NR1D2: variants seen among roughly 807,000 people sequenced by gnomAD.
NR1D2 encodes nuclear receptor subfamily 1 group D member 2.
A neutral mutation model predicts 52.2 loss-of-function variants in NR1D2; 25 were observed. That is an observed-to-expected ratio of 0.48 (90% CI 0.35 to 0.67). NR1D2 has a LOEUF of 0.67. Among genes scored for constraint, NR1D2 ranks in the 30% least tolerant of loss-of-function variants. The pLI, the probability that NR1D2 is intolerant of heterozygous loss-of-function variation, is 0.01. For synonymous variants in NR1D2, 259 were observed against 230.1 expected (o/e 1.13, Z -1.14); for missense variants, 681 against 707.2 (o/e 0.96, Z 0.42).
chr3:23,975,311 A>G (rs35711415), intron 7 of NR1D2, among the ~76,000 whole-genome samples: 23,604 of 149,806 alleles, frequency 0.16, 2,093 homozygotes, highest in Non-Finnish European at 0.2. Flanking sequence ...TTTTGTAAAG[A>G]CAAAGACTCA....
intron 7 of NR1D2, among the ~76,000 whole-genome samples, chr3:23,969,280 T>C (rs1264375637): frequency 6.6e-6 from 1 of 151,980 alleles, no homozygotes; most frequent in African/African-American, 2.4e-5. Context: ...AGAGCGAGAC[T>C]CCGTGTTAAA....
Position 23,977,927 on chromosome 3 carries a change from AGTTTACTT to A in NR1D2, c.*510_*517del, listed in dbSNP as rs1245936178. 1 of 152,208 alleles carries A rather than the reference AGTTTACTT, an allele frequency of 6.6e-6. No individual in the cohort carries two copies. The highest frequency in any genetic ancestry group is 2.4e-5 in the African/African-American group (1 of 41,434). 9.4% of individuals were successfully genotyped at this position (152,208 alleles called of 1,614,324 possible). On this transcript the variant is annotated 3_prime_UTR_variant, in exon 8 of 8. Coordinates refer to ENST00000312521, the MANE Select transcript of NR1D2 (RefSeq NM_005126.5). ...ACTGCTAAAGTGTGTGGTCCTGGGT[AGTTTACTT>A]GCTTGCGGAAAATGAGAATTGATGG...
chr3:23,963,410 G>C (rs974488518), intron 5 of NR1D2: 1 of 1,227,144 alleles, frequency 8.1e-7, no homozygotes. Context: ...GTCACTTGGA[G>C]TTATTTGATT....
At chr3:23,970,866 C>A (rs1433096006) in intron 7 of NR1D2, among the ~76,000 whole-genome samples, 1 of 152,016 alleles carries the variant, frequency 6.6e-6, no homozygotes, top group Non-Finnish European at 1.5e-5. Flanking sequence ...ACCGCAACCT[C>A]CCTCTCCTAG....
chr3:23,957,407 T>C (rs1213691738), intron 3 of NR1D2, among the ~76,000 whole-genome samples: 1 of 147,344 alleles, frequency 6.8e-6, no homozygotes, highest in African/African-American at 2.5e-5. Flanking sequence ...TTTTTTTTTT[T>C]TTTTTTTTAC....
At chr3:23,953,244 G>C (rs532545795) in intron 1 of NR1D2, among the ~76,000 whole-genome samples, 1 of 148,244 alleles carries the variant, frequency 6.7e-6, no homozygotes, top group African/African-American at 2.5e-5. Flanking sequence ...TCAGGAGGCT[G>C]AGACAGGAAA....
At chr3:23,962,671 G>A (rs752961347) in intron 5 of NR1D2, 66 bp downstream of exon 5, 11 of 1,460,250 alleles carry the variant, frequency 7.5e-6, no homozygotes, top group East Asian at 2.3e-5. Context: ...TCTTTTATTC[G>A]GGAGATATGC....
chr3:23,970,820 T>C (rs928535017), intron 7 of NR1D2, among the ~76,000 whole-genome samples: 2 of 152,278 alleles, frequency 1.3e-5, no homozygotes, highest in African/African-American at 4.8e-5. Flanking sequence ...TCTCTCTTGC[T>C]GCCCAGGCTG....
intron 7 of NR1D2, among the ~76,000 whole-genome samples, chr3:23,971,739 G>C (rs1380669855): frequency 8.1e-6 from 1 of 123,872 alleles, no homozygotes; most frequent in Non-Finnish European, 1.7e-5. Context: ...AGTTTAGATA[G>C]AATCTCTTAA....
At chr3:23,952,307 A>T (rs1705954936) in intron 1 of NR1D2, among the ~76,000 whole-genome samples, 1 of 152,178 alleles carries the variant, frequency 6.6e-6, no homozygotes, top group Non-Finnish European at 1.5e-5. Flanking sequence ...TCACCTCATG[A>T]TCGAGTCCAG....
At chr3:23,969,237 G>A (rs918244236) in intron 7 of NR1D2, among the ~76,000 whole-genome samples, 1 of 151,408 alleles carries the variant, frequency 6.6e-6, no homozygotes, top group Non-Finnish European at 1.5e-5. Context: ...CGTGAGCCGA[G>A]ATCACACCAG....
At position 23,952,594 on chromosome 3, in the gene NR1D2, C is replaced by T. The variant is rs372281326; in HGVS notation, c.17-1943C>T. 6.0e-4 allele frequency among the ~76,000 whole-genome samples: 91 copies of T among 151,822 alleles called. No individual in the cohort carries two copies. In the South Asian group the frequency reaches 0.012, roughly 20 times the overall value. On this transcript the variant is annotated intron_variant, in intron 1 of 7. Coordinates refer to ENST00000312521, the MANE Select transcript of NR1D2 (RefSeq NM_005126.5). Reference sequence around the variant, plus strand: ...AACAAAAATTAACCAGGCGTGGTGGCGGGCGCCTGTATTCCCAGCTATTCA... The same window carrying T: ...AACAAAAATTAACCAGGCGTGGTGGTGGGCGCCTGTATTCCCAGCTATTCA...
At chr3:23,950,902 C>CTTTTTTTTTTT (rs1181448290) in intron 1 of NR1D2, among the ~76,000 whole-genome samples, 12 of 123,092 alleles carry the variant, frequency 9.7e-5, no homozygotes, top group Admixed American at 1.7e-4. Context: ...CTTTCTTTTT[C>CTTTTTTTTTTT]TTTTTTTTTT....
chr3:23,959,692 C>G lies in NR1D2; in HGVS notation c.394C>G (p.Gln132Glu). Residue 132 changes from glutamine to glutamate, a missense_variant, in exon 4 of 8, where the codon CAA becomes GAA. By Grantham distance (29) the Gln-to-Glu change is conservative. Coordinates refer to ENST00000312521, the MANE Select transcript of NR1D2 (RefSeq NM_005126.5). Reference protein sequence around the residue: ...GCKGFFRRSIQQNIQYKKCLK... With the variant: ...GCKGFFRRSIEQNIQYKKCLK... The stretch of plus-strand genomic sequence containing the variant: ...TTAGGGTTTCTTTCGGAGAAGTATT[C>G]AACAAAACATCCAGTACAAGAAGTG... 1 of 1,611,392 alleles carries G rather than the reference C, an allele frequency of 6.2e-7. No homozygotes were observed. Among genetic ancestry groups the G allele is most frequent in the South Asian group, 1.1e-5 (1 of 90,498 alleles).
rs1172191129 is a variant in NR1D2 at position 23,980,227 on chromosome 3, AGATTTATTACTGTG to A, written c.*2809_*2822del. On this transcript the variant is annotated 3_prime_UTR_variant, in exon 8 of 8. Transcript: ENST00000312521. ...CAAAGCAAGGTGTAGCAGCTCAGCTAGATTTATTACTGTGCACGAAAGTAAATACCTATCTCAAT... is the reference window on the plus strand; with the variant it reads ...CAAAGCAAGGTGTAGCAGCTCAGCTACACGAAAGTAAATACCTATCTCAAT... The A allele has an allele frequency of 6.6e-6, 1 of 151,984 alleles. No homozygotes were observed. The highest frequency in any genetic ancestry group is 2.4e-5 in the African/African-American group (1 of 41,448). The allele number at this position is 151,984 out of a possible 1,614,324, so 9.4% of individuals were successfully genotyped here. A position where few individuals can be genotyped will look rare whatever the true frequency, so the allele number is the denominator to read the frequency against.
intron 3 of NR1D2, 135 bp from the exon 4 acceptor site, chr3:23,959,536 T>C: frequency 1.3e-6 from 1 of 741,134 alleles, no homozygotes; most frequent in East Asian, 2.7e-5. Flanking sequence ...TCCTAAGACA[T>C]AGTGTTTCCC....
At chr3:23,965,274 C>T in intron 6 of NR1D2, 112 bp downstream of exon 6, 1 of 799,442 alleles carries the variant, frequency 1.3e-6, no homozygotes, top group Non-Finnish European at 1.8e-6. Context: ...GAATCCTGCT[C>T]TGTCACCCAG....
intron 7 of NR1D2, among the ~76,000 whole-genome samples, chr3:23,974,857 C>G (rs1362219323): frequency 1.3e-5 from 2 of 149,886 alleles, no homozygotes; most frequent in African/African-American, 4.9e-5. Flanking sequence ...CCCACTCTGT[C>G]ACCCAGGCTG....
At position 23,959,851 on chromosome 3, in the gene NR1D2, A is replaced by G. The variant is rs956307444; in HGVS notation, c.517+36A>G. On this transcript the variant is annotated intron_variant, in intron 4 of 7. Transcript: ENST00000312521. ...AGTTTAAAGAGTGTTCCTAAAGTGT[A>G]TGGAGCTTGGCTTTTATTCCTCATC... 5.7e-6 allele frequency: 9 copies of G among 1,581,094 alleles called. No homozygotes were observed. In the Admixed American group the frequency reaches 7.3e-5, roughly 13 times the overall value.
Sources: allele counts gnomAD v4.1 joint callset (sites outside exome capture counted in the v4.1 genomes callset), GRCh38; gene constraint gnomAD v4.1.1; transcripts MANE v1.5; gene names NCBI Gene and HGNC (gene_info 2026-07-23, HGNC 2026-07-21).